The following PROS1 variants were observed in gnomAD, a reference collection of about 807,000 sequenced individuals.
PROS1 encodes protein S.
A neutral mutation model predicts 75.9 loss-of-function variants in PROS1; 29 were observed. The observed-to-expected ratio is 0.38, with a 90% CI of 0.28 to 0.52. The LOEUF (loss-of-function observed/expected upper bound fraction) is 0.52, where lower values mean the gene tolerates loss of function less well. Ranked by LOEUF, PROS1 falls within the 20% of genes least tolerant of loss-of-function variation. The pLI, the probability that PROS1 is intolerant of heterozygous loss-of-function variation, is 0.83. For synonymous variants in PROS1, 245 were observed against 280.6 expected (o/e 0.87, Z 1.27); for missense variants, 680 against 810.3 (o/e 0.84, Z 1.95).
chr3:93,904,643 A>T (rs1325701751), intron 6 of PROS1, among the ~76,000 whole-genome samples: 1 of 152,164 alleles, frequency 6.6e-6, no homozygotes, highest in African/African-American at 2.4e-5. Flanking sequence ...ACAAGCAAAC[A>T]AAAAGTACTG....
At chr3:93,913,000 G>A (rs992031980) in intron 3 of PROS1, among the ~76,000 whole-genome samples, 1 of 152,114 alleles carries the variant, frequency 6.6e-6, no homozygotes, top group African/African-American at 2.4e-5. Context: ...TCCTGATATG[G>A]TTTAGCTGTG....
In PROS1 at chr3:93,877,193, T is replaced by C. The variant is rs763909089; in HGVS notation, c.1645-2A>G. 1 of 1,579,794 alleles carries C rather than the reference T, an allele frequency of 6.3e-7. No homozygotes were observed. ...ATTTTCAACAGATAACAGAATATCC[T>C]GAAGAGCAGAGCAAAGATTCAATAT... On this transcript the variant is annotated splice_acceptor_variant, in intron 13 of 14. Transcript: ENST00000394236. LOFTEE classifies it high-confidence loss of function.
intron 1 of PROS1, among the ~76,000 whole-genome samples, chr3:93,965,634 A>C (rs1709777009): frequency 6.6e-6 from 1 of 152,120 alleles, no homozygotes; most frequent in Non-Finnish European, 1.5e-5. Flanking sequence ...GAAGCAGCTC[A>C]CCACCATCTT....
chr3:93,935,889 GA>G (rs1035272753), intron 1 of PROS1, among the ~76,000 whole-genome samples: 1 of 137,098 alleles, frequency 7.3e-6, no homozygotes, highest in Non-Finnish European at 1.6e-5. Flanking sequence ...AGGAATCAAG[GA>G]AAAAAATAAA....
chr3:93,971,039 T>C (rs1249057625), intron 1 of PROS1, among the ~76,000 whole-genome samples: 7 of 151,912 alleles, frequency 4.6e-5, no homozygotes, highest in Admixed American at 2.0e-4. Context: ...TAGCTTTCTA[T>C]GGCCTAAACA....
At chr3:93,933,623 TA>T (rs1334627076) in intron 1 of PROS1, among the ~76,000 whole-genome samples, 1 of 151,664 alleles carries the variant, frequency 6.6e-6, no homozygotes, top group Admixed American at 6.6e-5. Flanking sequence ...ATATATTATT[TA>T]AAAAATTAAT....
chr3:93,938,272 CT>C (rs1464799913), intron 1 of PROS1, among the ~76,000 whole-genome samples: 1 of 152,176 alleles, frequency 6.6e-6, no homozygotes, highest in African/African-American at 2.4e-5. Flanking sequence ...AGAACAACCC[CT>C]TTGACTGTAA....
intron 1 of PROS1, among the ~76,000 whole-genome samples, chr3:93,949,621 T>C (rs894171403): frequency 6.6e-6 from 1 of 151,712 alleles, no homozygotes; most frequent in African/African-American, 2.4e-5. Context: ...AAAGCTCTAC[T>C]AAAAAAATAA....
chr3:93,933,730 C>A (rs1709141032), intron 1 of PROS1, among the ~76,000 whole-genome samples: 1 of 152,124 alleles, frequency 6.6e-6, no homozygotes, highest in Non-Finnish European at 1.5e-5. Context: ...TCGAGACTAG[C>A]CTGGCCAACA....
intron 1 of PROS1, among the ~76,000 whole-genome samples, chr3:93,945,818 G>T (rs1709384664): frequency 6.6e-6 from 1 of 152,134 alleles, no homozygotes; most frequent in African/African-American, 2.4e-5. Context: ...GGGCAATTGG[G>T]CAGGAGAAGG....
chr3:93,877,592 A>G (rs1708210905), intron 13 of PROS1, among the ~76,000 whole-genome samples: 1 of 152,208 alleles, frequency 6.6e-6, no homozygotes, highest in African/African-American at 2.4e-5. Context: ...AAAATGCTTT[A>G]GTAAGCATAT....
chr3:93,896,781 G>A, intron 8 of PROS1, 90 bp from the exon 9 acceptor site: 1 of 915,062 alleles, frequency 1.1e-6, no homozygotes, highest in Non-Finnish European at 1.8e-6. Context: ...ATTTTTGTTT[G>A]GTTACTAATG....
intron 4 of PROS1, among the ~76,000 whole-genome samples, chr3:93,908,095 C>T (rs1708703448): frequency 6.6e-6 from 1 of 152,024 alleles, no homozygotes; most frequent in Admixed American, 6.5e-5. Context: ...CTGCAGTAAG[C>T]TGAGATCATG....
At chr3:93,919,163 C>A (rs1708906533) in intron 3 of PROS1, among the ~76,000 whole-genome samples, 1 of 152,114 alleles carries the variant, frequency 6.6e-6, no homozygotes, top group South Asian at 2.1e-4. Context: ...TCCTTAGTAC[C>A]TGCATAACAA....
At chr3:93,875,940 T>C (rs764984782) in intron 14 of PROS1, among the ~76,000 whole-genome samples, 17 of 152,208 alleles carry the variant, frequency 1.1e-4, no homozygotes, top group Non-Finnish European at 2.1e-4. Context: ...AATTTCATAT[T>C]TTCCAATATT....
At chr3:93,929,909 T>G (rs1451332588) in intron 1 of PROS1, among the ~76,000 whole-genome samples, 3 of 152,214 alleles carry the variant, frequency 2.0e-5, no homozygotes, top group Non-Finnish European at 4.4e-5. Flanking sequence ...AATGTCTGAA[T>G]TTCTTTCCCT....
intron 1 of PROS1, among the ~76,000 whole-genome samples, chr3:93,938,767 C>T (rs117270182): frequency 0.012 from 1,816 of 152,270 alleles, 138 homozygotes; most frequent in Admixed American, 0.1. Flanking sequence ...CTTGGGAAGA[C>T]AGCCTTCCCT....
intron 6 of PROS1, among the ~76,000 whole-genome samples, chr3:93,903,406 G>T (rs1465616378): frequency 1.3e-5 from 2 of 152,212 alleles, no homozygotes; most frequent in Admixed American, 1.3e-4. Flanking sequence ...GCTCATGCCT[G>T]TAATCCCACG....
At chr3:93,939,117 T>C (rs1385799823) in intron 1 of PROS1, among the ~76,000 whole-genome samples, 1 of 152,194 alleles carries the variant, frequency 6.6e-6, no homozygotes, top group East Asian at 1.9e-4. Flanking sequence ...CTTGTTTTCT[T>C]CTGCAATGCC....
Sources: gnomAD v4.1 joint callset for allele counts (sites outside exome capture counted in the v4.1 genomes callset) on GRCh38, gnomAD v4.1.1 for gene constraint, MANE v1.5 for transcripts, NCBI Gene and HGNC (gene_info 2026-07-23, HGNC 2026-07-21) for gene names.